Variants in SGSM2 observed in about 807,000 individuals in gnomAD.
SGSM2 encodes small G protein signaling modulator 2.
A neutral mutation model predicts 126.6 loss-of-function variants in SGSM2; 89 were observed. The observed-to-expected ratio is 0.70, with a 90% CI of 0.59 to 0.84. The LOEUF is 0.84. SGSM2 is among the 40% of genes least tolerant of loss of function. SGSM2 has a pLI of 0.00. For synonymous variants in SGSM2, 614 were observed against 574.3 expected, an observed-to-expected ratio of 1.07 and a Z score of -0.99; for missense variants, 1,404 against 1,416.6, an observed-to-expected ratio of 0.99 and a Z score of 0.14.
Position 2,379,724 on chromosome 17 carries a change from A to G in SGSM2, c.*204A>G. The G allele has an allele frequency of 7.1e-7, 1 of 1,409,116 alleles. No homozygotes were observed. Among genetic ancestry groups the G allele is most frequent in the South Asian group, 1.5e-5 (1 of 64,636 alleles). 87.3% of individuals were successfully genotyped at this position (1,409,116 alleles called of 1,614,324 possible). On this transcript the variant is annotated 3_prime_UTR_variant, in exon 24 of 24. Transcript: ENST00000268989. ...AGGATGCCCTCGGATCAGGGCCGGG[A>G]TGGGAGGGGTCAGCCTCAGGGAGCA...
intron 2 of SGSM2, among the ~76,000 whole-genome samples, chr17:2,357,605 C>T (rs1322770745): frequency 6.6e-6 from 1 of 152,192 alleles, no homozygotes; most frequent in Non-Finnish European, 1.5e-5. Context: ...TCAAGCAATT[C>T]TTCTGCCTCA....
rs1053678724 is a variant in SGSM2 at position 2,343,727 on chromosome 17, T to A, written c.133+107T>A. On this transcript the variant is annotated intron_variant, in intron 2 of 23. Coordinates refer to ENST00000268989, the MANE Select transcript of SGSM2 (RefSeq NM_014853.3). Reference sequence around the variant, plus strand: ...AGGTGCAGTAGCTCTCAAATCTGGCTGCAAGTCCAAATCAACCTGGAAGCT... The same window carrying A: ...AGGTGCAGTAGCTCTCAAATCTGGCAGCAAGTCCAAATCAACCTGGAAGCT... 3 of 942,446 alleles carry A rather than the reference T, an allele frequency of 3.2e-6. No homozygotes were observed. In the African/African-American group the frequency reaches 4.9e-5, roughly 15 times the overall value. The allele number at this position is 942,446 out of a possible 1,614,324, so 58.4% of individuals were successfully genotyped here.
In SGSM2 at chr17:2,364,401, G is replaced by A. The variant is rs188761833; in HGVS notation, c.933-195G>A. On this transcript the variant is annotated intron_variant, in intron 8 of 23. Transcript: ENST00000268989. ...GGTTTGTCTGAGCCAAGCTCTCAGC[G>A]GCTGAGACGGACAGCTGTCCATGTG... The A allele has an allele frequency of 2.0e-4, 166 of 812,676 alleles. No individual in the cohort carries two copies. In the African/African-American group the frequency reaches 2.2e-3, roughly 11 times the overall value. 50.3% of individuals were successfully genotyped at this position (812,676 alleles called of 1,614,324 possible).
intron 2 of SGSM2, among the ~76,000 whole-genome samples, chr17:2,354,197 G>C (rs1298596403): frequency 1.0e-5 from 1 of 98,262 alleles, no homozygotes; most frequent in Non-Finnish European, 2.3e-5. Flanking sequence ...GTGAGCCACT[G>C]CACCTGACCT....
intron 2 of SGSM2, among the ~76,000 whole-genome samples, chr17:2,358,923 G>A (rs1220988677): frequency 1.4e-5 from 2 of 143,448 alleles, no homozygotes; most frequent in African/African-American, 5.4e-5. Flanking sequence ...GTTCCCCCAG[G>A]CTGGAGTGCA....
In SGSM2 at chr17:2,372,853, A is replaced by C; in HGVS notation, c.1789-100A>C. Reference sequence around the variant, plus strand: ...CCTTGCCTGGGCTTCAGCAGTCACTACAGGCCCCGCCCCAGCCCATTCTCC... The same window carrying C: ...CCTTGCCTGGGCTTCAGCAGTCACTCCAGGCCCCGCCCCAGCCCATTCTCC... On this transcript the variant is annotated intron_variant, in intron 15 of 23. Coordinates refer to ENST00000268989, the MANE Select transcript of SGSM2 (RefSeq NM_014853.3). This position sits in a 1 kb window ranked among gnomAD's most constrained non-coding sequence, Gnocchi z 6.0. 1 of 1,473,982 alleles carries C rather than the reference A, an allele frequency of 6.8e-7. No homozygotes were observed. Among genetic ancestry groups the C allele is most frequent in the Admixed American group, 2.2e-5 (1 of 46,046 alleles). 91.3% of individuals were successfully genotyped at this position (1,473,982 alleles called of 1,614,324 possible).
intron 2 of SGSM2, among the ~76,000 whole-genome samples, chr17:2,346,249 C>T (rs2064593249): frequency 6.6e-6 from 1 of 152,156 alleles, no homozygotes; most frequent in Non-Finnish European, 1.5e-5. Flanking sequence ...AGCCTAGCGA[C>T]ACCACGGTCC....
In SGSM2 at chr17:2,376,748, C is replaced by T; in HGVS notation, c.2625C>T (p.His875=). ...TGCCTTTCAGCTACGTGTGGGAGCA[C>T]CTGGACGTGGGCTATGTGCAGGGCA... is the stretch of plus-strand genomic sequence containing the variant. The part of the protein sequence containing the change: ...RDVMCSYVWE[H]LDVGYVQGMC... Residue 875 remains histidine (H), a synonymous_variant, in exon 20 of 24, where the codon CAC becomes CAT. Coordinates refer to ENST00000268989, the MANE Select transcript of SGSM2 (RefSeq NM_014853.3). 6.2e-7 allele frequency: 1 copy of T among 1,614,058 alleles called. No individual in the cohort carries two copies. The highest frequency in any genetic ancestry group is 1.1e-5 in the South Asian group (1 of 91,090).
rs762455545 is a variant in SGSM2, at chr17:2,380,283, C to A, written c.*763C>A. On this transcript the variant is annotated 3_prime_UTR_variant, in exon 24 of 24. Transcript: ENST00000268989. ...GCATTAGGTACTTCCCTGAAAACCA[C>A]GTGTAAGAAGTGATGCTTTTGCCAG... 1 of 1,535,898 alleles carries A rather than the reference C, an allele frequency of 6.5e-7. No individual in the cohort carries two copies. Among genetic ancestry groups the A allele is most frequent in the Non-Finnish European group, 8.7e-7 (1 of 1,146,900 alleles).
rs1367328029 is a variant in SGSM2 at position 2,375,520 on chromosome 17, C to G, written c.2129C>G (p.Pro710Arg). The change falls in exon 18 of 24, where the codon CCC becomes CGC. Residue 710 changes from proline to arginine, a missense_variant. Pro to Arg is a moderately radical substitution (Grantham distance 103). Transcript: ENST00000268989. ...TTTATCTCAGTGGATGATCTGGAAC[C>G]CCCGGAGCCCCAGGACCCTGAAGAT... ...DVFISVDDLE[P>R]PEPQDPEDSR... 6.2e-7 allele frequency: 1 copy of G among 1,611,672 alleles called. No individual in the cohort carries two copies. Among genetic ancestry groups the G allele is most frequent in the South Asian group, 1.1e-5 (1 of 90,948 alleles).
At position 2,363,503 on chromosome 17, in the gene SGSM2, C is replaced by T; in HGVS notation, c.711C>T (p.Asp237=). 1 of 1,613,460 alleles carries T rather than the reference C, an allele frequency of 6.2e-7. No individual in the cohort carries two copies. Among genetic ancestry groups the T allele is most frequent in the Non-Finnish European group, 8.5e-7 (1 of 1,179,990 alleles). Residue 237 remains aspartate, a synonymous_variant, in exon 7 of 24, where the codon GAC becomes GAT. Coordinates refer to ENST00000268989, the MANE Select transcript of SGSM2 (RefSeq NM_014853.3). This position sits in a 1 kb window ranked among gnomAD's most constrained non-coding sequence, Gnocchi z 4.2. ...ACTCAAGCGGCAGCGCGTCGGAGGA[C>T]AGGCTGGCTGCCTGTGCCCGCGAGT... ...KRHSSGSASE[D]RLAACARECV...
intron 2 of SGSM2, 56 bp downstream of exon 2, chr17:2,343,676 C>T (rs1161403085): frequency 1.3e-6 from 2 of 1,521,494 alleles, no homozygotes; most frequent in Non-Finnish European, 1.8e-6. Flanking sequence ...GGACACTGGC[C>T]TGGGGCCAGG....
chr17:2,373,834 G>T, intron 17 of SGSM2: 1 of 317,714 alleles, frequency 3.1e-6, no homozygotes. Context: ...GCAGCGCTGG[G>T]TTCTAGTCCC....
chr17:2,376,991 A>C lies in SGSM2; in HGVS notation c.2725A>C (p.Met909Leu), dbSNP rs2066195016. The C allele has an allele frequency of 8.1e-6, 13 of 1,613,788 alleles. No homozygotes were observed. Among genetic ancestry groups the C allele is most frequent in the Non-Finnish European group, 1.1e-5 (13 of 1,179,918 alleles). Reference sequence around the variant, plus strand: ...GGCCTACAGCTGCTTCAGCCACCTCATGAAGAGGATGAGCCAGAACTTCCC... The same window carrying C: ...GGCCTACAGCTGCTTCAGCCACCTCCTGAAGAGGATGAGCCAGAACTTCCC... ...QLAYSCFSHL[M>L]KRMSQNFPNG... is the part of the protein sequence containing the mutation. The change falls in exon 21 of 24, where the codon ATG (methionine) becomes CTG (leucine). Residue 909 changes from methionine (M) to leucine (L), a missense_variant. Coordinates refer to ENST00000268989, the MANE Select transcript of SGSM2 (RefSeq NM_014853.3).
intron 2 of SGSM2, among the ~76,000 whole-genome samples, chr17:2,347,184 C>A (rs1022428601): frequency 3.3e-5 from 5 of 152,160 alleles, no homozygotes; most frequent in Non-Finnish European, 5.9e-5. Context: ...CAGCTCACTG[C>A]AACCTCCGCC....
rs773209874 is a variant in SGSM2, at chr17:2,362,302, G to A, written c.458+32G>A. ...GCCCCGTTCCCCAAAAACTGCAGGT[G>A]ACCACCCCGTTCCCCCCAAAACTGC... On this transcript the variant is annotated intron_variant, in intron 4 of 23. Coordinates refer to ENST00000268989, the MANE Select transcript of SGSM2 (RefSeq NM_014853.3). The surrounding 1 kb of genome is among the most constrained non-coding windows in gnomAD (Gnocchi z 4.9). The A allele has an allele frequency of 4.4e-6, 7 of 1,590,352 alleles. No homozygotes were observed. The Admixed American group carries it at 1.2e-4, about 28-fold the overall frequency.
intron 2 of SGSM2, among the ~76,000 whole-genome samples, chr17:2,352,252 T>A (rs1322612633): frequency 6.6e-6 from 1 of 152,236 alleles, no homozygotes; most frequent in Non-Finnish European, 1.5e-5. Flanking sequence ...TCCAGGGACC[T>A]GAACCACTGG....
intron 1 of SGSM2, among the ~76,000 whole-genome samples, chr17:2,340,564 C>A (rs1463477827): frequency 6.6e-6 from 1 of 151,900 alleles, no homozygotes; most frequent in Non-Finnish European, 1.5e-5. Flanking sequence ...TCATGTTTCT[C>A]CTTTCCTCCT....
chr17:2,340,387 C>T (rs543304562), intron 1 of SGSM2, among the ~76,000 whole-genome samples: 2 of 152,114 alleles, frequency 1.3e-5, no homozygotes, highest in South Asian at 2.1e-4. Flanking sequence ...CAGGCATGAG[C>T]CACTGCGACC....
Sources: gnomAD v4.1 joint callset for allele counts (sites outside exome capture counted in the v4.1 genomes callset) on GRCh38, gnomAD v4.1.1 for gene constraint, Gnocchi (gnomAD v3.1) non-coding constraint, MANE v1.5 for transcripts, NCBI Gene and HGNC (gene_info 2026-07-23, HGNC 2026-07-21) for gene names.